Variants in ENTPD1 observed in about 807,000 individuals in gnomAD.
The protein encoded by ENTPD1 is ATP diphosphohydrolase.
In ENTPD1, 33 loss-of-function variants were observed where a neutral mutation model predicts 57.0. The ratio of observed to expected loss-of-function variants is 0.58; its 90% CI spans 0.44 to 0.77. ENTPD1 has a LOEUF of 0.77. ENTPD1 is among the 30% of genes least tolerant of loss of function. The pLI, the probability that ENTPD1 is intolerant of heterozygous loss-of-function variation, is 0.00. For missense variants in ENTPD1, 501 were observed against 603.4 expected (o/e 0.83, Z 1.78); for synonymous variants, 202 against 218.8 (o/e 0.92, Z 0.68).
chr10:95,732,638 G>A (rs1488014662), intron 1 of ENTPD1, among the ~76,000 whole-genome samples: 4 of 152,188 alleles, frequency 2.6e-5, no homozygotes, highest in Non-Finnish European at 4.4e-5. Flanking sequence ...ATAATTCAAC[G>A]TTATTTCACG....
rs1337506316 is a variant in ENTPD1 at position 95,870,447 on chromosome 10, T to C, written c.*4064T>C. ...ACAGGTGTGCACCACCATGTCTAGC[T>C]ATTTTTTTTTCTGTAGAGACAGGGT... On this transcript the variant is annotated 3_prime_UTR_variant, in exon 10 of 10. Transcript: ENST00000371205. The C allele has an allele frequency of 1.4e-6, 1 of 691,156 alleles. No individual in the cohort carries two copies. The highest frequency in any genetic ancestry group is 1.9e-5 in the African/African-American group (1 of 51,306). 42.8% of individuals were successfully genotyped at this position (691,156 alleles called of 1,614,324 possible).
intron 1 of ENTPD1, among the ~76,000 whole-genome samples, chr10:95,800,082 G>T (rs939783279): frequency 6.6e-6 from 1 of 152,154 alleles, no homozygotes; most frequent in Non-Finnish European, 1.5e-5. Flanking sequence ...TAGGTTGTCT[G>T]CTTACTCTGT....
intron 1 of ENTPD1, among the ~76,000 whole-genome samples, chr10:95,760,332 A>G (rs182179193): frequency 6.6e-6 from 1 of 152,322 alleles, no homozygotes; most frequent in Admixed American, 6.5e-5. Context: ...CCCTCCCAGC[A>G]GTGCTTGAAG....
intron 1 of ENTPD1, among the ~76,000 whole-genome samples, chr10:95,742,204 C>T (rs2098001048): frequency 6.6e-6 from 1 of 152,120 alleles, no homozygotes; most frequent in South Asian, 2.1e-4. Context: ...GTCTTGATTG[C>T]TTGGCAAGTA....
At chr10:95,819,240 T>A (rs2098340262) in intron 1 of ENTPD1, among the ~76,000 whole-genome samples, 1 of 152,186 alleles carries the variant, frequency 6.6e-6, no homozygotes, top group South Asian at 2.1e-4. Flanking sequence ...CTTGGCTCAC[T>A]ACAACCTCGG....
intron 1 of ENTPD1, among the ~76,000 whole-genome samples, chr10:95,820,079 T>TA (rs2098343809): frequency 6.6e-6 from 1 of 152,210 alleles, no homozygotes; most frequent in Non-Finnish European, 1.5e-5. Flanking sequence ...ACATCCAAGA[T>TA]ATGTCAACCT....
chr10:95,837,657 C>T (rs1017822113), intron 2 of ENTPD1, among the ~76,000 whole-genome samples: 6 of 152,190 alleles, frequency 3.9e-5, no homozygotes, highest in African/African-American at 1.4e-4. Context: ...AAGGTCTGCA[C>T]GGTGGTACTC....
intron 1 of ENTPD1, among the ~76,000 whole-genome samples, chr10:95,730,135 C>G (rs773800972): frequency 3.4e-4 from 51 of 152,152 alleles, no homozygotes; most frequent in Non-Finnish European, 6.6e-4. Context: ...CTCCCAGGCT[C>G]AAGTGATCTT....
At chr10:95,718,809 G>A (rs1219539591) in intron 1 of ENTPD1, among the ~76,000 whole-genome samples, 1 of 152,138 alleles carries the variant, frequency 6.6e-6, no homozygotes, top group Non-Finnish European at 1.5e-5. Context: ...TAGTATACAA[G>A]TTGAGGTTGG....
intron 7 of ENTPD1, 39 bp from the exon 8 acceptor site, chr10:95,860,428 CTG>C (rs2098463429): frequency 1.3e-6 from 2 of 1,554,910 alleles, no homozygotes; most frequent in East Asian, 2.3e-5. Flanking sequence ...TGGCATCCCT[CTG>C]TGTGGAACAC....
chr10:95,717,244 A>G (rs2097972564), intron 1 of ENTPD1, among the ~76,000 whole-genome samples: 1 of 151,498 alleles, frequency 6.6e-6, no homozygotes, highest in Non-Finnish European at 1.5e-5. Flanking sequence ...CACCTTTTAA[A>G]TTTGTTTTCA....
chr10:95,823,312 C>T lies in ENTPD1; in HGVS notation c.92C>T (p.Ala31Val). The change falls in exon 2 of 10, where the codon GCT (alanine) becomes GTT (valine). Residue 31 changes from alanine to valine, a missense_variant. Transcript: ENST00000371205. ...LGFSSIIAVIALLAVGLTQNK... is the reference protein window; with the variant it reads ...LGFSSIIAVIVLLAVGLTQNK... ...TTCTCCTCTATCATAGCTGTGATAG[C>T]TTTGCTTGCTGTGGGGTTGACCCAG... is the stretch of plus-strand genomic sequence containing the variant. 6.2e-7 allele frequency: 1 copy of T among 1,614,182 alleles called. No homozygotes were observed. Among genetic ancestry groups the T allele is most frequent in the Non-Finnish European group, 8.5e-7 (1 of 1,180,026 alleles).
intron 1 of ENTPD1, among the ~76,000 whole-genome samples, chr10:95,815,582 T>A (rs2098327243): frequency 6.6e-6 from 1 of 152,120 alleles, no homozygotes; most frequent in Non-Finnish European, 1.5e-5. Flanking sequence ...GCCTCAGTCA[T>A]GTATTGTAGG....
At chr10:95,822,082 C>A (rs529288536) in intron 1 of ENTPD1, among the ~76,000 whole-genome samples, 1 of 149,690 alleles carries the variant, frequency 6.7e-6, no homozygotes, top group Admixed American at 6.7e-5. Flanking sequence ...TCACAGCAAC[C>A]TCTGCCTCCT....
intron 1 of ENTPD1, among the ~76,000 whole-genome samples, chr10:95,816,948 AT>A (rs2098331896): frequency 6.6e-6 from 1 of 152,332 alleles, no homozygotes; most frequent in East Asian, 1.9e-4. Context: ...AGTATAGGCT[AT>A]TACGTGTTGT....
chr10:95,807,479 C>A (rs2098278091), intron 1 of ENTPD1, among the ~76,000 whole-genome samples: 1 of 152,216 alleles, frequency 6.6e-6, no homozygotes, highest in Non-Finnish European at 1.5e-5. Context: ...TGAGGCGATG[C>A]CCCGCCCTGC....
At chr10:95,833,433 T>A (rs961593570) in intron 2 of ENTPD1, 1 of 152,236 alleles carries the variant, frequency 6.6e-6, no homozygotes, top group Non-Finnish European at 1.5e-5. Flanking sequence ...TAATCTGGTT[T>A]GTTTATAGAG....
intron 1 of ENTPD1, among the ~76,000 whole-genome samples, chr10:95,786,147 G>A (rs140089720): frequency 4.3e-4 from 66 of 152,274 alleles, no homozygotes; most frequent in Middle Eastern, 3.4e-3. Flanking sequence ...CTTGGGTGCT[G>A]CTTAAAGCAC....
At chr10:95,703,682 TG>T in the ENTPD1 span, among the ~76,000 whole-genome samples, 21 of 148,134 alleles carry the variant, frequency 1.4e-4, no homozygotes, top group Non-Finnish European at 2.7e-4. Flanking sequence ...CTCGGGAGGC[TG>T]AGGCAGGAGA....
Sources: gnomAD v4.1 joint callset for allele counts (sites outside exome capture counted in the v4.1 genomes callset) on GRCh38, gnomAD v4.1.1 for gene constraint, MANE v1.5 for transcripts, NCBI Gene and HGNC (gene_info 2026-07-23, HGNC 2026-07-21) for gene names.